The following SCFD2 variants were observed in gnomAD, a reference collection of about 807,000 sequenced individuals.
SCFD2 encodes the protein sec1 family domain-containing protein 2.
In SCFD2, 54 loss-of-function variants were observed where a neutral mutation model predicts 58.9. The ratio of observed to expected loss-of-function variants is 0.92; its 90% CI spans 0.74 to 1.15. The LOEUF is 1.15. Among genes scored for constraint, SCFD2 ranks in the 50% most tolerant of loss-of-function variants. SCFD2 has a pLI of 0.00. For missense variants in SCFD2, 805 were observed against 836.6 expected, an observed-to-expected ratio of 0.96 and a Z score of 0.47; for synonymous variants, 321 against 335.9, an observed-to-expected ratio of 0.96 and a Z score of 0.49.
chr4:53,361,176 T>C (rs1342432339), intron 1 of SCFD2, among the ~76,000 whole-genome samples: 3 of 152,076 alleles, frequency 2.0e-5, no homozygotes, highest in Non-Finnish European at 2.9e-5. Context: ...CAAAACTAAC[T>C]CTCTCTTTGA....
chr4:53,256,007 C>T (rs1471965571), intron 4 of SCFD2, among the ~76,000 whole-genome samples: 22 of 148,604 alleles, frequency 1.5e-4, no homozygotes, highest in African/African-American at 4.0e-4. Flanking sequence ...GGCGGCTGGC[C>T]GGGCGGGGGT....
chr4:52,928,555 C>T (rs1174382507), intron 5 of SCFD2, among the ~76,000 whole-genome samples: 14 of 152,062 alleles, frequency 9.2e-5, no homozygotes, highest in Admixed American at 7.9e-4. Context: ...TAGGCATGCA[C>T]GAAGTGGGGA....
At chr4:53,179,659 T>G (rs568278391) in intron 4 of SCFD2, among the ~76,000 whole-genome samples, 2 of 152,170 alleles carry the variant, frequency 1.3e-5, no homozygotes, top group African/African-American at 2.4e-5. Flanking sequence ...AATATTAACT[T>G]TAAATGTAAA....
chr4:53,177,625 G>A (rs559938582), intron 4 of SCFD2, among the ~76,000 whole-genome samples: 141 of 152,322 alleles, frequency 9.3e-4, no homozygotes, highest in African/African-American at 3.3e-3. Context: ...TCCAACTGAG[G>A]TACCGGGTTC....
rs557435704 is a variant in SCFD2 at position 53,039,229 on chromosome 4, G to A, written c.1561+106104C>T. On this transcript the variant is annotated intron_variant, in intron 5 of 8. Coordinates refer to ENST00000401642, the MANE Select transcript of SCFD2 (RefSeq NM_152540.4). ...GATCAGAGTTTGGCTCTCAGGCCAC[G>A]GTCTAAAACATATACATACCATATG... is the stretch of plus-strand genomic sequence containing the variant. Among the ~76,000 whole-genome samples, 11 of 152,122 alleles carry A rather than the reference G, an allele frequency of 7.2e-5. No individual in the cohort carries two copies. In the South Asian group the frequency reaches 1.7e-3, roughly 23 times the overall value.
intron 4 of SCFD2, among the ~76,000 whole-genome samples, chr4:53,226,622 C>T (rs1258389090): frequency 6.6e-6 from 1 of 151,872 alleles, no homozygotes; most frequent in African/African-American, 2.4e-5. Context: ...GGAAAAATAA[C>T]AATAAACAAA....
intron 2 of SCFD2, among the ~76,000 whole-genome samples, chr4:53,335,167 G>A (rs1327029192): frequency 4.1e-5 from 5 of 121,548 alleles, no homozygotes; most frequent in Middle Eastern, 0.014. Context: ...CTGCATACCA[G>A]CCTGGCGACA....
chr4:53,265,875 G>A (rs934664756), intron 4 of SCFD2, among the ~76,000 whole-genome samples: 133 of 151,552 alleles, frequency 8.8e-4, no homozygotes, highest in Non-Finnish European at 2.9e-4. Context: ...GAGTAGCTGG[G>A]ACCACAGGCA....
chr4:53,223,876 C>CA (rs1435657051), intron 4 of SCFD2, among the ~76,000 whole-genome samples: 2 of 152,124 alleles, frequency 1.3e-5, no homozygotes, highest in South Asian at 2.1e-4. Context: ...TTACAAATTA[C>CA]AAAAATAATA....
At chr4:53,139,302 A>G (rs1560352980) in intron 5 of SCFD2, among the ~76,000 whole-genome samples, 1 of 151,170 alleles carries the variant, frequency 6.6e-6, no homozygotes, top group Non-Finnish European at 1.5e-5. Flanking sequence ...CCGCCCCACA[A>G]GAAGTGAGGA....
intron 4 of SCFD2, among the ~76,000 whole-genome samples, chr4:53,243,869 ATTTG>A (rs769869934): frequency 3.9e-5 from 6 of 152,168 alleles, no homozygotes; most frequent in African/African-American, 9.7e-5. Context: ...AACAGACTTC[ATTTG>A]TTTGTTTGTT....
In SCFD2 at chr4:52,885,773, C is replaced by G; in HGVS notation, c.1936G>C (p.Val646Leu). 1 of 1,614,066 alleles carries G rather than the reference C, an allele frequency of 6.2e-7. No homozygotes were observed. Among genetic ancestry groups the G allele is most frequent in the South Asian group, 1.1e-5 (1 of 91,078 alleles). ...VSEVKMVKDLVASLKPGTQVI... is the reference protein window; with the variant it reads ...VSEVKMVKDLLASLKPGTQVI... ...TGGGTTCCTGGCTTCAACGATGCCA[C>G]AAGATCTTTGACCATTTTCACTTCA... Residue 646 changes from valine to leucine, a missense_variant, in exon 8 of 9, where the codon GTG (valine) becomes CTG (leucine). Transcript: ENST00000401642.
intron 5 of SCFD2, among the ~76,000 whole-genome samples, chr4:53,013,846 T>A (rs1722152277): frequency 6.6e-6 from 1 of 152,074 alleles, no homozygotes; most frequent in Non-Finnish European, 1.5e-5. Context: ...AGGAAAGGTA[T>A]TATTGCTTGG....
At chr4:53,192,804 G>A (rs1015424940) in intron 4 of SCFD2, among the ~76,000 whole-genome samples, 5 of 152,064 alleles carry the variant, frequency 3.3e-5, no homozygotes, top group African/African-American at 1.2e-4. Context: ...TATAGTAAGT[G>A]TACTAATAGG....
intron 7 of SCFD2, among the ~76,000 whole-genome samples, chr4:52,894,875 A>G (rs1718963033): frequency 6.6e-6 from 1 of 152,224 alleles, no homozygotes; most frequent in Admixed American, 6.5e-5. Flanking sequence ...GGGAGAGGAA[A>G]GTTCCCTAGC....
chr4:53,074,189 G>C (rs1462516240), intron 5 of SCFD2, among the ~76,000 whole-genome samples: 1 of 152,162 alleles, frequency 6.6e-6, no homozygotes, highest in Non-Finnish European at 1.5e-5. Context: ...GCCAGAAGTA[G>C]ATTCCATCTC....
chr4:53,301,640 C>T (rs1352537835), intron 3 of SCFD2, among the ~76,000 whole-genome samples: 6 of 152,080 alleles, frequency 3.9e-5, no homozygotes, highest in Admixed American at 6.5e-5. Context: ...CTGGCAGAGA[C>T]ACAACAAAAA....
chr4:53,018,076 T>A (rs1334473724), intron 5 of SCFD2, among the ~76,000 whole-genome samples: 1 of 152,240 alleles, frequency 6.6e-6, no homozygotes, highest in Non-Finnish European at 1.5e-5. Context: ...CGTTTGTTTG[T>A]TGTCTTCCCA....
chr4:52,951,624 G>A (rs760822193), intron 5 of SCFD2, among the ~76,000 whole-genome samples: 1 of 152,158 alleles, frequency 6.6e-6, no homozygotes, highest in Non-Finnish European at 1.5e-5. Flanking sequence ...GCAGTTAGGA[G>A]AAGTCATGTG....
Sources: gnomAD v4.1 joint callset for allele counts (sites outside exome capture counted in the v4.1 genomes callset) on GRCh38, gnomAD v4.1.1 for gene constraint, MANE v1.5 for transcripts, NCBI Gene and HGNC (gene_info 2026-07-23, HGNC 2026-07-21) for gene names.